CHD7: variants seen among roughly 807,000 people sequenced by gnomAD.
CHD7 encodes the protein chromodomain helicase DNA binding protein 7.
A neutral mutation model predicts 307.3 loss-of-function variants in CHD7; 24 were observed. The observed-to-expected ratio is 0.08, with a 90% confidence interval of 0.06 to 0.11. The LOEUF is 0.11. Ranked by LOEUF, CHD7 falls within the 10% of genes least tolerant of loss-of-function variation. CHD7 has a pLI of 1.00. For synonymous variants in CHD7, 1,363 were observed against 1,349.9 expected (o/e 1.01, Z -0.21); for missense variants, 3,106 against 3,727.1 (o/e 0.83, Z 4.34).
intron 2 of CHD7, among the ~76,000 whole-genome samples, chr8:60,759,468 T>TCTCCCTCTCTCC (rs1810060128): frequency 6.9e-6 from 1 of 145,700 alleles, no homozygotes. Context: ...TCCCTCCCTC[T>TCTCCCTCTCTCC]CTCCCTCTCT....
At chr8:60,838,669 A>G (rs1804842895) in intron 19 of CHD7, among the ~76,000 whole-genome samples, 1 of 152,146 alleles carries the variant, frequency 6.6e-6, no homozygotes, top group African/African-American at 2.4e-5. Flanking sequence ...TCCATACATA[A>G]ACTCTTCAGA....
chr8:60,837,885 A>G, intron 18 of CHD7, 50 bp downstream of exon 18: 1 of 1,518,490 alleles, frequency 6.6e-7, no homozygotes, highest in South Asian at 1.2e-5. Context: ...ACTTTCCTTT[A>G]TTTAACTAAT....
rs537003701 is a variant in CHD7, at chr8:60,791,710, G to A, written c.2097-3276G>A. ...GGGTGTGAGGGTGATGAGGCAGTGG[G>A]GAGCTGTTGTGATTAATAGCCTGGG... On this transcript the variant is annotated intron_variant, in intron 3 of 37. Coordinates refer to ENST00000423902, the MANE Select transcript of CHD7 (RefSeq NM_017780.4). Among the ~76,000 whole-genome samples, 130 of 152,336 alleles carry A rather than the reference G, an allele frequency of 8.5e-4. 1 individual carries two copies. Among genetic ancestry groups the A allele is most frequent in the Non-Finnish European group, 1.3e-3 (90 of 68,024 alleles).
At chr8:60,785,430 A>T (rs1811446671) in intron 3 of CHD7, among the ~76,000 whole-genome samples, 1 of 152,182 alleles carries the variant, frequency 6.6e-6, no homozygotes, top group South Asian at 2.1e-4. Context: ...CTCTTATTTT[A>T]AAAAAACATA....
chr8:60,854,306 A>G (rs1314028154), intron 31 of CHD7, 57 bp from the exon 32 acceptor site: 16 of 1,515,520 alleles, frequency 1.1e-5, no homozygotes, highest in Non-Finnish European at 3.6e-6. Context: ...GTCCTTTCTA[A>G]ACTTCAGTTT....
At chr8:60,686,391 A>G (rs1338835058) in intron 1 of CHD7, among the ~76,000 whole-genome samples, 1 of 151,936 alleles carries the variant, frequency 6.6e-6, no homozygotes. Context: ...TTCTGTCATT[A>G]GGTCCAGCCA....
intron 32 of CHD7, 37 bp downstream of exon 32, chr8:60,854,560 A>G: frequency 1.3e-6 from 2 of 1,551,526 alleles, no homozygotes; most frequent in East Asian, 2.3e-5. Context: ...TTGCTGACCA[A>G]AAAGGATTAG....
Position 60,852,389 on chromosome 8 carries a change from A to C in CHD7, c.5895-109A>C, listed in dbSNP as rs1432935956. ...CTCCAACAAAGCAGTCTGTTTCCCC[A>C]CCCCCAAATAACTACCATGTATAAA... On this transcript the variant is annotated intron_variant, in intron 29 of 37. Coordinates refer to ENST00000423902, the MANE Select transcript of CHD7 (RefSeq NM_017780.4). The C allele has an allele frequency of 9.5e-5, 123 of 1,292,566 alleles. 1 individual carries two copies. Among genetic ancestry groups the C allele is most frequent in the Non-Finnish European group, 5.8e-5 (55 of 940,816 alleles). The allele number at this position is 1,292,566 out of a possible 1,614,324, so 80.1% of individuals were successfully genotyped here. A position where few individuals can be genotyped will look rare whatever the true frequency, so the allele number is the denominator to read the frequency against.
At chr8:60,821,675 C>CAT (rs549229393) in intron 9 of CHD7, 115 bp from the exon 10 acceptor site, 8 of 766,952 alleles carry the variant, frequency 1.0e-5, no homozygotes, top group East Asian at 2.9e-5. Flanking sequence ...TATGTATAAA[C>CAT]ATATATATAC....
rs767043440 is a variant in CHD7, at chr8:60,822,609, A to G, written c.3064A>G (p.Ile1022Val). Residue 1022 changes from isoleucine to valine, a missense_variant, in exon 12 of 38, where the codon ATT (isoleucine) becomes GTT (valine). Physicochemically the swap from Ile to Val is conservative, Grantham distance 29 (BLOSUM62 3). Transcript: ENST00000423902. ...AGGAATCCATGGCCCTTTTTTAGTA[A>G]TTGCCCCATTGTCCACAATCCCCAA... The part of the protein sequence containing the change: ...LKGIHGPFLV[I>V]APLSTIPNWE... The G allele has an allele frequency of 7.4e-6, 12 of 1,613,734 alleles. No individual in the cohort carries two copies. The highest frequency in any genetic ancestry group is 1.0e-5 in the Non-Finnish European group (12 of 1,179,784).
Position 60,781,438 on chromosome 8 carries a change from G to A in CHD7, c.2096+8G>A. 1 of 1,513,456 alleles carries A rather than the reference G, an allele frequency of 6.6e-7. No individual in the cohort carries two copies. Among genetic ancestry groups the A allele is most frequent in the South Asian group, 1.3e-5 (1 of 75,934 alleles). The allele number at this position is 1,513,456 out of a possible 1,614,324, so 93.8% of individuals were successfully genotyped here. On this transcript the variant is annotated splice_region_variant and intron_variant, in intron 3 of 37. Coordinates refer to ENST00000423902, the MANE Select transcript of CHD7 (RefSeq NM_017780.4). ...ATCCAGCAAAAAGTCAAGGTAGGCT[G>A]TGGGCAGAAAAAACAACTGCAAAAC...
chr8:60,689,533 C>T (rs1806089979), intron 1 of CHD7, among the ~76,000 whole-genome samples: 1 of 152,212 alleles, frequency 6.6e-6, no homozygotes, highest in African/African-American at 2.4e-5. Flanking sequence ...CATTTAACAG[C>T]CTGTAGCATT....
chr8:60,801,449 A>G (rs1812306360), intron 5 of CHD7, 79 bp from the exon 6 acceptor site: 2 of 1,050,510 alleles, frequency 1.9e-6, no homozygotes, highest in African/African-American at 3.2e-5. Flanking sequence ...GGTGGTAGCA[A>G]AGGGGAATGA....
intron 7 of CHD7, 57 bp downstream of exon 7, chr8:60,808,329 G>A (rs1474385476): frequency 4.8e-6 from 5 of 1,044,084 alleles, no homozygotes; most frequent in Admixed American, 2.5e-5. Context: ...AGTAGTAAAC[G>A]ACCATTTTTT....
chr8:60,854,660 C>G, intron 32 of CHD7, 137 bp downstream of exon 32: 1 of 677,488 alleles, frequency 1.5e-6, no homozygotes, highest in East Asian at 3.0e-5. Context: ...TTTTCTTATA[C>G]TTTTAAAGAA....
intron 34 of CHD7, among the ~76,000 whole-genome samples, chr8:60,858,523 A>G (rs1297590293): frequency 6.6e-6 from 1 of 152,108 alleles, no homozygotes; most frequent in African/African-American, 2.4e-5. Context: ...TTTCTCCATA[A>G]ACTTTAACAA....
At chr8:60,811,361 G>A (rs1310013656) in intron 7 of CHD7, among the ~76,000 whole-genome samples, 2 of 152,088 alleles carry the variant, frequency 1.3e-5, no homozygotes. Flanking sequence ...TATCCTTTCT[G>A]TAATTTTTGG....
intron 1 of CHD7, among the ~76,000 whole-genome samples, chr8:60,703,658 C>G (rs1406464904): frequency 6.6e-6 from 1 of 152,202 alleles, no homozygotes; most frequent in Non-Finnish European, 1.5e-5. Flanking sequence ...TCTTGTCCCA[C>G]CCCTTTATGG....
At chr8:60,806,170 G>A (rs554421360) in intron 6 of CHD7, among the ~76,000 whole-genome samples, 1 of 152,274 alleles carries the variant, frequency 6.6e-6, no homozygotes, top group Non-Finnish European at 1.5e-5. Flanking sequence ...AGACCATCCT[G>A]TCTAACACGG....
Sources: allele counts gnomAD v4.1 joint callset (sites outside exome capture counted in the v4.1 genomes callset), GRCh38; gene constraint gnomAD v4.1.1; transcripts MANE v1.5; gene names NCBI Gene and HGNC (gene_info 2026-07-23, HGNC 2026-07-21).